The following TEX2 variants were observed in gnomAD, a reference collection of about 807,000 sequenced individuals.
TEX2 encodes testis expressed 2, also known as testis-expressed protein 2.
In TEX2, 53 loss-of-function variants were observed where a neutral mutation model predicts 106.9. The observed-to-expected ratio is 0.50, with a 90% CI of 0.40 to 0.62. TEX2 has a LOEUF of 0.62. TEX2 is among the 20% of genes least tolerant of loss of function. The pLI, the probability that TEX2 is intolerant of heterozygous loss-of-function variation, is 0.00. For missense variants in TEX2, 1,207 were observed against 1,379.0 expected, an observed-to-expected ratio of 0.88 and a Z score of 1.98; for synonymous variants, 523 against 534.8, an observed-to-expected ratio of 0.98 and a Z score of 0.30.
chr17:64,196,415 T>C (rs1283420598), intron 2 of TEX2, among the ~76,000 whole-genome samples: 1 of 151,926 alleles, frequency 6.6e-6, no homozygotes, highest in Non-Finnish European at 1.5e-5. Flanking sequence ...GGGGAAAGAG[T>C]GTGAAACTTA....
Position 64,217,792 on chromosome 17 carries a change from C to G in TEX2, c.-25-3550G>C, listed in dbSNP as rs1206344848. Among the ~76,000 whole-genome samples the G allele has an allele frequency of 6.6e-6, 1 of 152,204 alleles. No individual in the cohort carries two copies. The highest frequency in any genetic ancestry group is 1.5e-5 in the Non-Finnish European group (1 of 68,032). On this transcript the variant is annotated intron_variant, in intron 1 of 11. Coordinates refer to ENST00000584379, the MANE Select transcript of TEX2 (RefSeq NM_001288732.2). The surrounding 1 kb of genome is among the most constrained non-coding windows in gnomAD (Gnocchi z 4.3). The stretch of plus-strand genomic sequence containing the variant: ...TTTTTCCCATAGTTCCAGCAGACTA[C>G]AAAGCCCTTGGGTTTTAACACTGAC...
intron 1 of TEX2, among the ~76,000 whole-genome samples, chr17:64,226,549 G>C (rs1307901116): frequency 2.6e-5 from 4 of 152,104 alleles, no homozygotes; most frequent in African/African-American, 9.7e-5. Context: ...TTTCTTTAAT[G>C]GTCAAATTTA....
intron 7 of TEX2, among the ~76,000 whole-genome samples, chr17:64,169,574 T>C (rs968608290): frequency 6.6e-6 from 1 of 152,182 alleles, no homozygotes; most frequent in Non-Finnish European, 1.5e-5. Context: ...TTCTCTGAAA[T>C]TGATGTGATG....
At chr17:64,210,734 A>T (rs2143038897) in intron 2 of TEX2, among the ~76,000 whole-genome samples, 1 of 149,642 alleles carries the variant, frequency 6.7e-6, no homozygotes, top group Non-Finnish European at 1.5e-5. Context: ...CTTTAATTTA[A>T]CTAAGAAGCC....
At chr17:64,177,863 T>G (rs1172887348) in intron 5 of TEX2, among the ~76,000 whole-genome samples, 4 of 152,224 alleles carry the variant, frequency 2.6e-5, no homozygotes, top group African/African-American at 9.6e-5. Context: ...ATTGTCAAGC[T>G]GGTGCTCATC....
At position 64,177,888 on chromosome 17, in the gene TEX2, A is replaced by C. The variant is rs903823907; in HGVS notation, c.2425-417T>G. 3.3e-5 allele frequency among the ~76,000 whole-genome samples: 5 copies of C among 152,332 alleles called. No individual in the cohort carries two copies. In the East Asian group the frequency reaches 7.7e-4, roughly 23 times the overall value. On this transcript the variant is annotated intron_variant, in intron 5 of 11. Coordinates refer to ENST00000584379, the MANE Select transcript of TEX2 (RefSeq NM_001288732.2). ...TGGTGCTCATCCGGGCAGACGCCAC[A>C]GTTCCCCAATGGCCAGGACTCAAGT...
intron 1 of TEX2, among the ~76,000 whole-genome samples, chr17:64,224,173 A>G (rs1598202169): frequency 1.3e-5 from 2 of 152,230 alleles, no homozygotes; most frequent in African/African-American, 4.8e-5. Context: ...GGCAGAGGAA[A>G]AGAAGGCAAG....
In TEX2 at chr17:64,213,630, C is replaced by G. The variant is rs111854160; in HGVS notation, c.588G>C (p.Ser196=). 1 of 1,613,828 alleles carries G rather than the reference C, an allele frequency of 6.2e-7. No homozygotes were observed. The highest frequency in any genetic ancestry group is 8.5e-7 in the Non-Finnish European group (1 of 1,179,984). Residue 196 remains serine, a synonymous_variant, in exon 2 of 12, where the codon TCG becomes TCC. Coordinates refer to ENST00000584379, the MANE Select transcript of TEX2 (RefSeq NM_001288732.2). The surrounding 1 kb of genome is among the most constrained non-coding windows in gnomAD (Gnocchi z 4.4). ...KPFMSLVKSL[S]TEVEPKESPH... ...GGGATTCTTTTGGCTCCACCTCGGT[C>G]GACAGGGACTTCACAAGGCTCATGA...
intron 1 of TEX2, among the ~76,000 whole-genome samples, chr17:64,236,246 A>C (rs1279371015): frequency 6.6e-6 from 1 of 152,206 alleles, no homozygotes; most frequent in African/African-American, 2.4e-5. Flanking sequence ...TTCACATCTT[A>C]TTAGATATTA....
intron 1 of TEX2, among the ~76,000 whole-genome samples, chr17:64,246,304 G>A (rs905695180): frequency 2.0e-5 from 3 of 152,182 alleles, no homozygotes; most frequent in Admixed American, 2.0e-4. Flanking sequence ...GGAGTGCAGT[G>A]GCATGATCTC....
intron 5 of TEX2, among the ~76,000 whole-genome samples, chr17:64,182,410 G>A (rs1047286179): frequency 6.6e-6 from 1 of 152,106 alleles, no homozygotes; most frequent in African/African-American, 2.4e-5. Context: ...ATAACATTAT[G>A]AATGTATTCA....
At chr17:64,248,869 T>C (rs1436679710) in intron 1 of TEX2, among the ~76,000 whole-genome samples, 1 of 151,998 alleles carries the variant, frequency 6.6e-6, no homozygotes, top group African/African-American at 2.4e-5. Context: ...ACCCCATCTC[T>C]ACTAAAAATA....
At chr17:64,254,575 C>CT (rs1484376281) in intron 1 of TEX2, among the ~76,000 whole-genome samples, 1 of 152,210 alleles carries the variant, frequency 6.6e-6, no homozygotes, top group Non-Finnish European at 1.5e-5. Flanking sequence ...AGAGGCACTG[C>CT]TACAGGGTTG....
chr17:64,150,792 C>T (rs374890527), intron 11 of TEX2, 49 bp downstream of exon 11: 13 of 1,565,124 alleles, frequency 8.3e-6, no homozygotes, highest in African/African-American at 5.5e-5. Flanking sequence ...CGGCTAAACC[C>T]AGAGCTTCTA....
At chr17:64,155,151 C>T in intron 8 of TEX2, 184 bp from the exon 9 acceptor site, 1 of 647,624 alleles carries the variant, frequency 1.5e-6, no homozygotes, top group Non-Finnish European at 2.3e-6. Flanking sequence ...ATCCTTGGAT[C>T]AGCGCAGATG....
At chr17:64,243,821 T>C (rs1366897173) in intron 1 of TEX2, among the ~76,000 whole-genome samples, 1 of 151,248 alleles carries the variant, frequency 6.6e-6, no homozygotes, top group Non-Finnish European at 1.5e-5. Context: ...TTTTTTTTTT[T>C]TTTTTGAGAT....
At chr17:64,227,648 G>A (rs1179945337) in intron 1 of TEX2, among the ~76,000 whole-genome samples, 1 of 152,184 alleles carries the variant, frequency 6.6e-6, no homozygotes, top group Admixed American at 6.5e-5. Context: ...ATGTATGTAT[G>A]TAATCTGCTT....
At chr17:64,211,628 G>A (rs185975685) in intron 2 of TEX2, among the ~76,000 whole-genome samples, 4 of 152,276 alleles carry the variant, frequency 2.6e-5, no homozygotes, top group African/African-American at 7.2e-5. Flanking sequence ...AGGAGAATGA[G>A]CATAGGTTAT....
chr17:64,245,740 A>G (rs2033974887), intron 1 of TEX2, among the ~76,000 whole-genome samples: 1 of 152,138 alleles, frequency 6.6e-6, no homozygotes, highest in East Asian at 1.9e-4. Flanking sequence ...TGTTCCATTA[A>G]AATGGGTCTG....
Sources: allele counts gnomAD v4.1 joint callset (sites outside exome capture counted in the v4.1 genomes callset), GRCh38; gene constraint gnomAD v4.1.1; non-coding constraint Gnocchi (gnomAD v3.1); transcripts MANE v1.5; gene names NCBI Gene and HGNC (gene_info 2026-07-23, HGNC 2026-07-21).